KCNJ6: variants seen among roughly 807,000 people sequenced by gnomAD.
KCNJ6 encodes G protein-activated inward rectifier potassium channel 2.
KCNJ6 carries 9 observed loss-of-function variants against 34.2 expected under a neutral mutation model. That is an observed-to-expected ratio of 0.26 (90% confidence interval 0.16 to 0.46). KCNJ6 has a LOEUF of 0.46. Ranked by LOEUF, KCNJ6 falls within the 20% of genes least tolerant of loss-of-function variation. KCNJ6 has a pLI of 1.00. For synonymous variants in KCNJ6, 196 were observed against 207.1 expected, an observed-to-expected ratio of 0.95 and a Z score of 0.46; for missense variants, 236 against 531.3, an observed-to-expected ratio of 0.44 and a Z score of 5.46.
intron 1 of KCNJ6, among the ~76,000 whole-genome samples, chr21:37,909,581 G>A (rs2055857655): frequency 6.6e-6 from 1 of 152,096 alleles, no homozygotes; most frequent in Non-Finnish European, 1.5e-5. Context: ...GGCCAGGCTG[G>A]TCTCAAGTCA....
At chr21:37,780,275 T>C (rs1263291060) in intron 2 of KCNJ6, among the ~76,000 whole-genome samples, 1 of 151,886 alleles carries the variant, frequency 6.6e-6, no homozygotes, top group Non-Finnish European at 1.5e-5. Context: ...ACTATGGAGG[T>C]AGTAAAAAGA....
At chr21:37,866,539 G>A (rs1027760653) in intron 1 of KCNJ6, among the ~76,000 whole-genome samples, 95 of 152,180 alleles carry the variant, frequency 6.2e-4, no homozygotes, top group Admixed American at 1.7e-3. Context: ...AGACCTGGCC[G>A]GAGCTGGACA....
intron 2 of KCNJ6, among the ~76,000 whole-genome samples, chr21:37,831,608 A>G (rs952098494): frequency 5.9e-5 from 9 of 152,202 alleles, no homozygotes; most frequent in Non-Finnish European, 8.8e-5. Context: ...GTTGGCCTTC[A>G]GGACCTGTTC....
At chr21:37,735,008 G>C (rs947688856) in intron 2 of KCNJ6, among the ~76,000 whole-genome samples, 3 of 152,062 alleles carry the variant, frequency 2.0e-5, no homozygotes, top group African/African-American at 7.2e-5. Context: ...GATTCGCTCA[G>C]GGCCAGCCCA....
intron 3 of KCNJ6, among the ~76,000 whole-genome samples, chr21:37,631,099 G>A (rs1308189802): frequency 1.3e-5 from 2 of 152,028 alleles, no homozygotes; most frequent in African/African-American, 4.8e-5. Context: ...TTGCTGAATT[G>A]TGAATGCCCT....
intron 1 of KCNJ6, among the ~76,000 whole-genome samples, chr21:37,848,296 TG>T (rs2055520219): frequency 6.6e-6 from 1 of 152,220 alleles, no homozygotes; most frequent in Non-Finnish European, 1.5e-5. Context: ...CCTATCAGGA[TG>T]GGGTACCATT....
chr21:37,625,561 A>T, intron 3 of KCNJ6, 77 bp from the exon 4 acceptor site: 1 of 1,058,702 alleles, frequency 9.4e-7, no homozygotes, highest in Non-Finnish European at 1.4e-6. Flanking sequence ...GAGAGCCAGG[A>T]GGAGTACTGC....
At chr21:37,781,696 G>A (rs1223466845) in intron 2 of KCNJ6, among the ~76,000 whole-genome samples, 7 of 152,086 alleles carry the variant, frequency 4.6e-5, no homozygotes, top group African/African-American at 1.2e-4. Flanking sequence ...TGAGAAAACC[G>A]ATACTAGAAA....
intron 2 of KCNJ6, among the ~76,000 whole-genome samples, chr21:37,808,183 G>T (rs1249588336): frequency 6.6e-6 from 1 of 152,174 alleles, no homozygotes; most frequent in Admixed American, 6.5e-5. Flanking sequence ...CATTTTAACA[G>T]AATACCTAAC....
intron 3 of KCNJ6, among the ~76,000 whole-genome samples, chr21:37,634,608 G>C (rs933871710): frequency 6.6e-6 from 1 of 151,994 alleles, no homozygotes; most frequent in African/African-American, 2.4e-5. Context: ...GTACTAATAA[G>C]TAAATTACAC....
intron 1 of KCNJ6, among the ~76,000 whole-genome samples, chr21:37,894,098 A>T (rs1568887638): frequency 6.6e-6 from 1 of 152,234 alleles, no homozygotes; most frequent in Non-Finnish European, 1.5e-5. Flanking sequence ...CAAAACAAAC[A>T]TATCAGGGGA....
At chr21:37,789,282 C>T (rs1051494285) in intron 2 of KCNJ6, among the ~76,000 whole-genome samples, 7 of 152,192 alleles carry the variant, frequency 4.6e-5, no homozygotes, top group Non-Finnish European at 8.8e-5. Context: ...TGTGACTGTA[C>T]TTGGACATAG....
intron 3 of KCNJ6, 139 bp from the exon 4 acceptor site, chr21:37,625,623 T>C: frequency 1.6e-6 from 1 of 623,306 alleles, no homozygotes; most frequent in African/African-American, 1.8e-5. Flanking sequence ...GTAGGTGTCA[T>C]TCATGTTGTA....
chr21:37,850,780 A>G lies in KCNJ6; in HGVS notation c.-27-10071T>C, dbSNP rs558459389. ...AATGTTGTATTACGGAGCCCCATGC[A>G]AAGGTGCTGTGGGGGACTCTGGTTA... On this transcript the variant is annotated intron_variant, in intron 1 of 3. Transcript: ENST00000609713. 1.5e-4 allele frequency among the ~76,000 whole-genome samples: 23 copies of G among 152,198 alleles called. No individual in the cohort carries two copies. In the South Asian group the frequency reaches 4.6e-3, roughly 30 times the overall value.
rs913277806 is a variant in KCNJ6, at chr21:37,690,345, A to G, written c.946+23866T>C. 6.1e-4 allele frequency among the ~76,000 whole-genome samples: 93 copies of G among 152,350 alleles called. 1 individual carries two copies. Among genetic ancestry groups the G allele is most frequent in the Admixed American group, 4.3e-3 (66 of 15,300 alleles). The stretch of plus-strand genomic sequence containing the variant: ...CTTCAAGGACTTGTCAATGATACAT[A>G]AAAAGTTAATTAAAATCATTCAAGG... On this transcript the variant is annotated intron_variant, in intron 3 of 3. Transcript: ENST00000609713.
intron 2 of KCNJ6, among the ~76,000 whole-genome samples, chr21:37,734,311 C>G (rs988715859): frequency 1.3e-5 from 2 of 152,030 alleles, no homozygotes; most frequent in African/African-American, 4.8e-5. Context: ...TGACTTTGTG[C>G]ATGGATCTCT....
chr21:37,667,421 G>A (rs1408908294), intron 3 of KCNJ6, among the ~76,000 whole-genome samples: 1 of 152,138 alleles, frequency 6.6e-6, no homozygotes, highest in African/African-American at 2.4e-5. Flanking sequence ...CCTAGGGTCA[G>A]TCCAAATAAT....
chr21:37,797,802 C>T (rs924224948), intron 2 of KCNJ6, among the ~76,000 whole-genome samples: 2 of 152,056 alleles, frequency 1.3e-5, no homozygotes, highest in African/African-American at 4.8e-5. Flanking sequence ...AGGCAGGATA[C>T]GATGTGTGGA....
chr21:37,803,053 T>C (rs1354422233), intron 2 of KCNJ6, among the ~76,000 whole-genome samples: 2 of 152,260 alleles, frequency 1.3e-5, no homozygotes, highest in Non-Finnish European at 2.9e-5. Flanking sequence ...TATAGGCTGG[T>C]AAATTTCAAA....
Sources: allele counts gnomAD v4.1 joint callset (sites outside exome capture counted in the v4.1 genomes callset), GRCh38; gene constraint gnomAD v4.1.1; transcripts MANE v1.5; gene names NCBI Gene and HGNC (gene_info 2026-07-23, HGNC 2026-07-21).